The following CCDC146 variants were observed in gnomAD, a reference collection of about 807,000 sequenced individuals.
CCDC146 encodes coiled-coil domain-containing protein 146.
CCDC146 carries 92 observed loss-of-function variants against 119.3 expected under a neutral mutation model. That is an observed-to-expected ratio of 0.77 (90% confidence interval 0.65 to 0.92). The LOEUF is 0.92. Ranked by LOEUF, CCDC146 falls within the 40% of genes least tolerant of loss-of-function variation. CCDC146 has a pLI of 0.00. For missense variants in CCDC146, 1,000 were observed against 1,103.0 expected (o/e 0.91, Z 1.32); for synonymous variants, 372 against 371.8 (o/e 1.00, Z -0.01).
chr7:77,287,151 C>T, intron 16 of CCDC146: 2 of 617,676 alleles, frequency 3.2e-6, no homozygotes, highest in Admixed American at 3.0e-5. Context: ...GCACATTTCT[C>T]TCATGACCCA....
intron 9 of CCDC146, among the ~76,000 whole-genome samples, chr7:77,269,435 C>T (rs969829685): frequency 5.3e-5 from 8 of 151,956 alleles, no homozygotes; most frequent in African/African-American, 1.9e-4. Flanking sequence ...TAGAAACTTT[C>T]CTCCAATATA....
intron 2 of CCDC146, among the ~76,000 whole-genome samples, chr7:77,182,079 CAA>C (rs1463583259): frequency 2.6e-5 from 4 of 152,062 alleles, no homozygotes; most frequent in Non-Finnish European, 5.9e-5. Flanking sequence ...CAGGTGGAGG[CAA>C]ACAGATACAT....
At chr7:77,215,136 C>A (rs1463674101) in intron 2 of CCDC146, among the ~76,000 whole-genome samples, 1 of 151,150 alleles carries the variant, frequency 6.6e-6, no homozygotes, top group African/African-American at 2.4e-5. Context: ...TTAATTGATT[C>A]CCCAGTATCC....
chr7:77,199,900 C>G (rs376775452), intron 2 of CCDC146: 53 of 1,354,022 alleles, frequency 3.9e-5, no homozygotes, highest in Admixed American at 3.3e-4. Flanking sequence ...AGGGTGGGAG[C>G]GTTTGCATCA....
intron 11 of CCDC146, 30 bp from the exon 12 acceptor site, chr7:77,278,722 A>G: frequency 6.8e-7 from 1 of 1,474,468 alleles, no homozygotes; most frequent in Non-Finnish European, 9.4e-7. Context: ...ATATGTTGTT[A>G]TTTATTTCAC....
chr7:77,226,526 A>G (rs1391222426), intron 2 of CCDC146, among the ~76,000 whole-genome samples: 4 of 152,206 alleles, frequency 2.6e-5, no homozygotes, highest in Admixed American at 2.0e-4. Context: ...AATTTTTTCC[A>G]TATTGTTACA....
chr7:77,186,935 T>C (rs1446744407), intron 2 of CCDC146, among the ~76,000 whole-genome samples: 1 of 152,192 alleles, frequency 6.6e-6, no homozygotes, highest in East Asian at 1.9e-4. Flanking sequence ...GTGGTTGAAG[T>C]ATGCTGCTGG....
intron 1 of CCDC146, among the ~76,000 whole-genome samples, chr7:77,148,423 C>A (rs1361605872): frequency 6.6e-6 from 1 of 152,088 alleles, no homozygotes; most frequent in African/African-American, 2.4e-5. Context: ...TCTCCTGCCC[C>A]CACTGTTCAA....
At chr7:77,281,398 A>G (rs1367912302) in intron 14 of CCDC146, among the ~76,000 whole-genome samples, 1 of 152,208 alleles carries the variant, frequency 6.6e-6, no homozygotes. Context: ...TATTTCTTCC[A>G]GGTTGCAGTT....
At chr7:77,166,352 A>G (rs913711350) in intron 1 of CCDC146, among the ~76,000 whole-genome samples, 1 of 152,104 alleles carries the variant, frequency 6.6e-6, no homozygotes, top group African/African-American at 2.4e-5. Flanking sequence ...ATCACAGCCT[A>G]TAAATATTCT....
intron 9 of CCDC146, among the ~76,000 whole-genome samples, chr7:77,273,105 T>G (rs1793557565): frequency 6.6e-6 from 1 of 152,214 alleles, no homozygotes; most frequent in Non-Finnish European, 1.5e-5. Flanking sequence ...AGGCAGATCA[T>G]GGGTTCCAAG....
intron 2 of CCDC146, chr7:77,197,077 T>C: frequency 1.3e-6 from 1 of 773,660 alleles, no homozygotes; most frequent in Non-Finnish European, 2.1e-6. Flanking sequence ...AGTTTGATAA[T>C]TGAATCAATG....
chr7:77,131,721 G>A (rs1202789053), intron 1 of CCDC146, among the ~76,000 whole-genome samples: 1 of 152,124 alleles, frequency 6.6e-6, no homozygotes, highest in Non-Finnish European at 1.5e-5. Context: ...CCGTCTAAAA[G>A]AAAACAAAAA....
chr7:77,188,683 C>T (rs1303309926), intron 2 of CCDC146, among the ~76,000 whole-genome samples: 1 of 152,084 alleles, frequency 6.6e-6, no homozygotes, highest in Admixed American at 6.6e-5. Context: ...CAGGTGTCTT[C>T]CTAAGTTAAA....
Position 77,261,729 on chromosome 7 carries a change from G to A in CCDC146, c.987-392G>A, listed in dbSNP as rs535258920. Among the ~76,000 whole-genome samples, 355 of 151,710 alleles carry A rather than the reference G, an allele frequency of 2.3e-3. 3 individuals carry two copies. Among genetic ancestry groups the A allele is most frequent in the African/African-American group, 8.1e-3 (334 of 41,350 alleles). On this transcript the variant is annotated intron_variant, in intron 8 of 18. Transcript: ENST00000285871. ...CCTGACCTCATGATCCACCCACCTC[G>A]GCCTCCCAAAGTGCTGGGATTACAG...
intron 1 of CCDC146, among the ~76,000 whole-genome samples, chr7:77,158,130 C>T (rs2898632): frequency 0.018 from 2,805 of 152,176 alleles, 80 homozygotes; most frequent in African/African-American, 0.064. Flanking sequence ...CTCCTAAGAA[C>T]GTTGCTTTTT....
intron 11 of CCDC146, among the ~76,000 whole-genome samples, chr7:77,275,487 GATGGCAA>G (rs1407735495): frequency 6.6e-6 from 1 of 152,194 alleles, no homozygotes; most frequent in African/African-American, 2.4e-5. Flanking sequence ...GATTTGAACA[GATGGCAA>G]TTTCAGTAAG....
intron 2 of CCDC146, among the ~76,000 whole-genome samples, chr7:77,212,749 C>T (rs1792212309): frequency 1.3e-5 from 2 of 151,726 alleles, no homozygotes; most frequent in Admixed American, 1.3e-4. Context: ...ATTGGCTAAG[C>T]CTGTAAGTGT....
In CCDC146 at chr7:77,280,604, G is replaced by A; in HGVS notation, c.1870G>A (p.Val624Met). Reference protein sequence around the residue: ...NTITMIEEEMVQLRKRYEKAV... With the variant: ...NTITMIEEEMMQLRKRYEKAV... Reference sequence around the variant, plus strand: ...GATCACAATGATCGAAGAGGAGATGGTGCAGCTTCGCAAAAGATACGAAAA... The same window carrying A: ...GATCACAATGATCGAAGAGGAGATGATGCAGCTTCGCAAAAGATACGAAAA... Residue 624 changes from valine (V) to methionine (M), a missense_variant, in exon 14 of 19, where the codon GTG becomes ATG. By Grantham distance (21) the Val-to-Met change is conservative. Around this residue, in one of 2 missense-constraint regions of CCDC146, gnomAD observed 985 missense variants for 1,045.3 expected, o/e 0.94. Transcript: ENST00000285871. 1.2e-6 allele frequency: 2 copies of A among 1,614,002 alleles called. No homozygotes were observed. Among genetic ancestry groups the A allele is most frequent in the Non-Finnish European group, 1.7e-6 (2 of 1,179,954 alleles).
Sources: gnomAD v4.1 joint callset for allele counts (sites outside exome capture counted in the v4.1 genomes callset) on GRCh38, gnomAD v4.1.1 for gene constraint, gnomAD v4.1.1 regional missense constraint, MANE v1.5 for transcripts, NCBI Gene and HGNC (gene_info 2026-07-23, HGNC 2026-07-21) for gene names.